RASGRF2: variants seen among roughly 807,000 people sequenced by gnomAD.
RASGRF2 encodes ras-specific guanine nucleotide-releasing factor 2.
RASGRF2 carries 76 observed loss-of-function variants against 151.0 expected under a neutral mutation model. The observed-to-expected ratio is 0.50, with a 90% CI of 0.42 to 0.61. The LOEUF (loss-of-function observed/expected upper bound fraction) is 0.61, where lower values mean the gene tolerates loss of function less well. RASGRF2 is among the 20% of genes least tolerant of loss of function. RASGRF2 has a pLI of 0.00. For missense variants in RASGRF2, 1,148 were observed against 1,564.6 expected, an observed-to-expected ratio of 0.73 and a Z score of 4.49; for synonymous variants, 504 against 566.5, an observed-to-expected ratio of 0.89 and a Z score of 1.57.
chr5:81,076,263 G>A (rs1751933914), intron 5 of RASGRF2, among the ~76,000 whole-genome samples: 2 of 152,178 alleles, frequency 1.3e-5, no homozygotes, highest in Admixed American at 6.5e-5. Context: ...AAACAGGGTG[G>A]TACCTAGAGG....
intron 2 of RASGRF2, among the ~76,000 whole-genome samples, chr5:81,063,816 T>TA (rs1751515634): frequency 6.6e-6 from 1 of 152,180 alleles, no homozygotes. Flanking sequence ...AACGCTTTTT[T>TA]AAAAAAATCT....
chr5:81,118,427 C>G (rs1187300811), intron 15 of RASGRF2, among the ~76,000 whole-genome samples: 1 of 152,214 alleles, frequency 6.6e-6, no homozygotes, highest in African/African-American at 2.4e-5. Flanking sequence ...GGGAGCAGCC[C>G]TGGGCAGCAA....
chr5:80,971,572 T>C (rs1351850482), intron 1 of RASGRF2, among the ~76,000 whole-genome samples: 2 of 151,460 alleles, frequency 1.3e-5, no homozygotes, highest in East Asian at 3.9e-4. Context: ...CTGGTATTTT[T>C]TTTTTTTTTT....
At chr5:81,180,679 C>A in intron 18 of RASGRF2, among the ~76,000 whole-genome samples, 1 of 125,528 alleles carries the variant, frequency 8.0e-6, no homozygotes, top group Non-Finnish European at 1.6e-5. Flanking sequence ...ATCCCCGCCC[C>A]CCACCCAGCT....
At chr5:81,044,481 T>C (rs1002995056) in intron 2 of RASGRF2, among the ~76,000 whole-genome samples, 1 of 152,140 alleles carries the variant, frequency 6.6e-6, no homozygotes, top group Non-Finnish European at 1.5e-5. Context: ...CTTTGAACCC[T>C]TGACGCTTTC....
intron 18 of RASGRF2, chr5:81,183,291 A>G: frequency 1.0e-6 from 1 of 982,428 alleles, no homozygotes; most frequent in Non-Finnish European, 1.2e-6. Context: ...GTTCGACATC[A>G]TCTAATTATT....
At chr5:80,999,532 T>C (rs543430580) in intron 1 of RASGRF2, among the ~76,000 whole-genome samples, 1 of 152,108 alleles carries the variant, frequency 6.6e-6, no homozygotes, top group South Asian at 2.1e-4. Flanking sequence ...TATTTATTTA[T>C]TTATGTTGTA....
intron 17 of RASGRF2, among the ~76,000 whole-genome samples, chr5:81,153,856 A>G (rs1452038075): frequency 4.6e-5 from 7 of 151,942 alleles, no homozygotes; most frequent in Non-Finnish European, 8.8e-5. Context: ...TTGAAAGTAA[A>G]GGAATGGAAA....
chr5:80,985,138 G>A (rs371612), intron 1 of RASGRF2, among the ~76,000 whole-genome samples: 79,735 of 151,866 alleles, frequency 0.53, 21,814 homozygotes, highest in East Asian at 0.79. Flanking sequence ...CTTGAGCCTG[G>A]GATGCGGAGA....
At chr5:81,180,099 TAA>T in intron 17 of RASGRF2, 74 bp from the exon 18 acceptor site, 1 of 835,970 alleles carries the variant, frequency 1.2e-6, no homozygotes. Context: ...ACCAATGTCC[TAA>T]AATATATGAC....
Position 80,960,552 on chromosome 5 carries a change from C to T in RASGRF2, c.-187C>T, listed in dbSNP as rs918808224. 120 of 404,786 alleles carry T rather than the reference C, an allele frequency of 3.0e-4. No individual in the cohort carries two copies. Among genetic ancestry groups the T allele is most frequent in the Admixed American group, 9.8e-5 (2 of 20,500 alleles). 25.1% of individuals were successfully genotyped at this position (404,786 alleles called of 1,614,324 possible). On this transcript the variant is annotated 5_prime_UTR_variant, in exon 1 of 27. Coordinates refer to ENST00000265080, the MANE Select transcript of RASGRF2 (RefSeq NM_006909.3). The surrounding 1 kb of genome is among the most constrained non-coding windows in gnomAD (Gnocchi z 5.5). ...GAGAGCGTGCCTCGGCCCCAGCCCG[C>T]GCCCCTGCCACCGCGCGCCGCGGCC... is the stretch of plus-strand genomic sequence containing the variant.
In RASGRF2 at chr5:81,226,106, C is replaced by T. The variant is rs1755994494; in HGVS notation, c.*336C>T. Reference sequence around the variant, plus strand: ...ACTCTGTCCATGTTCTGTTAGAACTCAGGGACAAGGATCCATGAAAAAGAC... The same window carrying T: ...ACTCTGTCCATGTTCTGTTAGAACTTAGGGACAAGGATCCATGAAAAAGAC... On this transcript the variant is annotated 3_prime_UTR_variant, in exon 27 of 27. Coordinates refer to ENST00000265080, the MANE Select transcript of RASGRF2 (RefSeq NM_006909.3). The T allele has an allele frequency of 5.5e-6, 1 of 181,342 alleles. No individual in the cohort carries two copies. The highest frequency in any genetic ancestry group is 2.4e-5 in the African/African-American group (1 of 42,338). 11.2% of individuals were successfully genotyped at this position (181,342 alleles called of 1,614,324 possible). A position where few individuals can be genotyped will look rare whatever the true frequency, so the allele number is the denominator to read the frequency against.
chr5:81,193,838 G>C (rs1755203130), intron 18 of RASGRF2, among the ~76,000 whole-genome samples: 1 of 152,174 alleles, frequency 6.6e-6, no homozygotes, highest in African/African-American at 2.4e-5. Flanking sequence ...TTTATCTCAA[G>C]AGGTTGAGTG....
intron 24 of RASGRF2, among the ~76,000 whole-genome samples, 181 bp downstream of exon 24, chr5:81,216,136 G>C (rs570359879): frequency 6.6e-6 from 1 of 152,214 alleles, no homozygotes; most frequent in South Asian, 2.1e-4. Flanking sequence ...TGTGCATACA[G>C]TAATTGTCTT....
chr5:81,193,717 A>G (rs888380427), intron 18 of RASGRF2, among the ~76,000 whole-genome samples: 2 of 152,122 alleles, frequency 1.3e-5, no homozygotes, highest in East Asian at 3.9e-4. Flanking sequence ...GGGTTTCACC[A>G]TGTTGGTCAG....
chr5:81,004,492 A>T (rs985810580), intron 1 of RASGRF2, among the ~76,000 whole-genome samples: 1 of 152,242 alleles, frequency 6.6e-6, no homozygotes, highest in Non-Finnish European at 1.5e-5. Context: ...GTGGCAGGCC[A>T]TGAGGCTGCA....
chr5:81,180,512 C>T (rs1754889774), intron 18 of RASGRF2, among the ~76,000 whole-genome samples: 1 of 152,010 alleles, frequency 6.6e-6, no homozygotes, highest in African/African-American at 2.4e-5. Context: ...TGAAACGGGG[C>T]TCCTCTGTCC....
chr5:80,969,856 TG>T, intron 1 of RASGRF2, among the ~76,000 whole-genome samples: 2 of 141,792 alleles, frequency 1.4e-5, no homozygotes, highest in African/African-American at 5.6e-5. Context: ...GACAGAGTTT[TG>T]CTCTTGTTGC....
At chr5:81,193,996 A>G (rs1755206168) in intron 18 of RASGRF2, among the ~76,000 whole-genome samples, 1 of 152,186 alleles carries the variant, frequency 6.6e-6, no homozygotes, top group East Asian at 1.9e-4. Flanking sequence ...AATGGAAATC[A>G]TGATAGTAAA....
Sources: allele counts gnomAD v4.1 joint callset (sites outside exome capture counted in the v4.1 genomes callset), GRCh38; gene constraint gnomAD v4.1.1; non-coding constraint Gnocchi (gnomAD v3.1); transcripts MANE v1.5; gene names NCBI Gene and HGNC (gene_info 2026-07-23, HGNC 2026-07-21).